THSD7B: variants seen among roughly 807,000 people sequenced by gnomAD.
THSD7B encodes thrombospondin type 1 domain containing 7B.
A neutral mutation model predicts 213.6 loss-of-function variants in THSD7B; 138 were observed. The observed-to-expected ratio is 0.65, with a 90% CI of 0.56 to 0.74. The LOEUF (loss-of-function observed/expected upper bound fraction) is 0.74. THSD7B is among the 30% of genes least tolerant of loss of function. The probability of loss-of-function intolerance (pLI) is 0.00; values close to 1 mark genes in which losing one functional copy is unlikely to be tolerated. For missense variants in THSD7B, 1,931 were observed against 1,991.5 expected (o/e 0.97, Z 0.58); for synonymous variants, 742 against 687.0 (o/e 1.08, Z -1.25).
intron 4 of THSD7B, among the ~76,000 whole-genome samples, chr2:137,103,203 A>G (rs1056944240): frequency 5.3e-5 from 8 of 151,544 alleles, no homozygotes; most frequent in African/African-American, 1.7e-4. Context: ...CAGAAACCCT[A>G]CAAGCTAGAA....
At chr2:137,425,241 G>A (rs1052192063) in intron 14 of THSD7B, among the ~76,000 whole-genome samples, 2 of 151,976 alleles carry the variant, frequency 1.3e-5, no homozygotes, top group Middle Eastern at 3.4e-3. Flanking sequence ...CTTTGAGACG[G>A]AGTCTTGCTC....
At chr2:137,527,547 C>G (rs1308505954) in intron 15 of THSD7B, among the ~76,000 whole-genome samples, 1 of 151,958 alleles carries the variant, frequency 6.6e-6, no homozygotes, top group Non-Finnish European at 1.5e-5. Flanking sequence ...TTTTGAAACT[C>G]CTTTTTTTGT....
intron 1 of THSD7B, among the ~76,000 whole-genome samples, chr2:136,770,264 A>T (rs1056326609): frequency 6.6e-6 from 1 of 152,176 alleles, no homozygotes; most frequent in Non-Finnish European, 1.5e-5. Context: ...GTATGCATAC[A>T]TGAAAGATTT....
chr2:136,897,605 A>AGG (rs1445513024), intron 2 of THSD7B, among the ~76,000 whole-genome samples: 1 of 152,212 alleles, frequency 6.6e-6, no homozygotes, highest in Admixed American at 6.5e-5. Flanking sequence ...ACAGTGTGGA[A>AGG]GGGGACCCAA....
In THSD7B at chr2:136,879,007, A is replaced by G. The variant is rs183522811; in HGVS notation, c.-35-3137A>G. 7.1e-3 allele frequency among the ~76,000 whole-genome samples: 1,080 copies of G among 152,262 alleles called. 13 individuals carry two copies. Among genetic ancestry groups the G allele is most frequent in the African/African-American group, 0.025 (1,024 of 41,546 alleles). On this transcript the variant is annotated intron_variant, in intron 1 of 27. Coordinates refer to ENST00000409968, the MANE Select transcript of THSD7B (RefSeq NM_001316349.2). ...GTCCTTGCCCATGCCTATGTCCTGA[A>G]TGGTATTGCCTGGGTTTTCTTCTAG...
chr2:137,474,374 C>A (rs1010585443), intron 15 of THSD7B, among the ~76,000 whole-genome samples: 1 of 152,160 alleles, frequency 6.6e-6, no homozygotes, highest in African/African-American at 2.4e-5. Flanking sequence ...AAAGTCCACT[C>A]CCTTTGGTCT....
At chr2:137,487,930 A>T (rs1156340114) in intron 15 of THSD7B, among the ~76,000 whole-genome samples, 1 of 51,638 alleles carries the variant, frequency 1.9e-5, no homozygotes, top group African/African-American at 5.3e-5. Flanking sequence ...CGCCCGGCTA[A>T]TTTTTTGTAT....
At chr2:137,476,055 T>G (rs562877300) in intron 15 of THSD7B, among the ~76,000 whole-genome samples, 1 of 152,306 alleles carries the variant, frequency 6.6e-6, no homozygotes, top group South Asian at 2.1e-4. Flanking sequence ...TCTCAATGAT[T>G]CTTAATGTTG....
At chr2:136,936,892 A>G (rs1393059368) in intron 2 of THSD7B, among the ~76,000 whole-genome samples, 1 of 152,154 alleles carries the variant, frequency 6.6e-6, no homozygotes, top group Non-Finnish European at 1.5e-5. Context: ...ATGCCAATAG[A>G]CACACATTCC....
Position 137,275,951 on chromosome 2 carries a change from A to T in THSD7B, c.2425A>T (p.Ile809Phe), listed in dbSNP as rs764002306. 6.2e-7 allele frequency: 1 copy of T among 1,612,224 alleles called. No homozygotes were observed. Among genetic ancestry groups the T allele is most frequent in the Middle Eastern group, 1.7e-4 (1 of 6,042 alleles). The change falls in exon 12 of 28, where the codon ATC becomes TTC. Residue 809 changes from isoleucine (I) to phenylalanine (F), a missense_variant. Ile to Phe is a conservative substitution (Grantham distance 21). Coordinates refer to ENST00000409968, the MANE Select transcript of THSD7B (RefSeq NM_001316349.2). ...RWKPQKWSPC[I>F]LVPESVWQGI... ...GAAGCCACAGAAATGGAGCCCTTGC[A>T]TCTTAGTGCCAGAGTCTGTCTGGCA...
In THSD7B at chr2:137,263,578, A is replaced by G. The variant is rs544005039; in HGVS notation, c.2267-8955A>G. Among the ~76,000 whole-genome samples, 9 of 152,302 alleles carry G rather than the reference A, an allele frequency of 5.9e-5. No individual in the cohort carries two copies. In the South Asian group the frequency reaches 1.9e-3, roughly 32 times the overall value. ...GAATATAGAGTACATTTTTTCAGGC[A>G]GTATTTCAAAATGAAAGAAGTATAT... On this transcript the variant is annotated intron_variant, in intron 10 of 27. Coordinates refer to ENST00000409968, the MANE Select transcript of THSD7B (RefSeq NM_001316349.2).
intron 3 of THSD7B, among the ~76,000 whole-genome samples, chr2:137,090,090 A>G (rs1403081056): frequency 2.0e-5 from 3 of 151,988 alleles, no homozygotes; most frequent in Non-Finnish European, 1.5e-5. Context: ...TATGAAAATA[A>G]AAAAATTAAA....
chr2:137,026,409 T>C (rs949062504), intron 2 of THSD7B, among the ~76,000 whole-genome samples: 2 of 152,198 alleles, frequency 1.3e-5, no homozygotes, highest in Non-Finnish European at 2.9e-5. Context: ...GTATCTCTGC[T>C]TTAGCTGTGT....
chr2:136,846,698 G>A lies in THSD7B; in HGVS notation c.-35-35446G>A, dbSNP rs554533531. Among the ~76,000 whole-genome samples the A allele has an allele frequency of 3.9e-5, 6 of 152,216 alleles. No individual in the cohort carries two copies. The South Asian group carries it at 1.0e-3, about 26-fold the overall frequency. Reference sequence around the variant, plus strand: ...GATATAACTTTTTTACTTGTATAATGTAGAATTCAGCAGGAATATGACCAG... The same window carrying A: ...GATATAACTTTTTTACTTGTATAATATAGAATTCAGCAGGAATATGACCAG... On this transcript the variant is annotated intron_variant, in intron 1 of 27. Coordinates refer to ENST00000409968, the MANE Select transcript of THSD7B (RefSeq NM_001316349.2).
chr2:137,359,546 G>A (rs1426971882), intron 12 of THSD7B, among the ~76,000 whole-genome samples: 1 of 152,184 alleles, frequency 6.6e-6, no homozygotes, highest in Admixed American at 6.5e-5. Flanking sequence ...AGCGCTTACT[G>A]AAGAAGGGTG....
chr2:136,954,487 C>T (rs369853038), intron 2 of THSD7B, among the ~76,000 whole-genome samples: 10 of 151,914 alleles, frequency 6.6e-5, no homozygotes, highest in East Asian at 5.8e-4. Context: ...GAGGCCGAGG[C>T]GGGCGGATCT....
At chr2:136,989,159 C>T (rs149093286) in intron 2 of THSD7B, among the ~76,000 whole-genome samples, 8 of 152,244 alleles carry the variant, frequency 5.3e-5, no homozygotes, top group African/African-American at 1.9e-4. Context: ...GATGGGTATT[C>T]CCAGTAGAAG....
At chr2:137,294,583 C>CAA (rs1210363889) in intron 12 of THSD7B, among the ~76,000 whole-genome samples, 105 of 72,886 alleles carry the variant, frequency 1.4e-3, no homozygotes, top group Non-Finnish European at 1.9e-3. Flanking sequence ...AACTCCATCT[C>CAA]AAAAAAAAAA....
chr2:137,467,763 T>C (rs914807207), intron 15 of THSD7B, among the ~76,000 whole-genome samples: 7 of 152,180 alleles, frequency 4.6e-5, no homozygotes, highest in African/African-American at 1.7e-4. Context: ...CAAGTTGCAT[T>C]GACCAGGGCT....
Sources: gnomAD v4.1 joint callset for allele counts (sites outside exome capture counted in the v4.1 genomes callset) on GRCh38, gnomAD v4.1.1 for gene constraint, MANE v1.5 for transcripts, NCBI Gene and HGNC (gene_info 2026-07-23, HGNC 2026-07-21) for gene names.